The following MYO1D variants were observed in gnomAD, a reference collection of about 807,000 sequenced individuals.
MYO1D encodes unconventional myosin-Id.
A neutral mutation model predicts 122.0 loss-of-function variants in MYO1D; 83 were observed. The ratio of observed to expected loss-of-function variants is 0.68; its 90% CI spans 0.57 to 0.82. MYO1D has a LOEUF of 0.82. MYO1D is among the 40% of genes least tolerant of loss of function. MYO1D has a pLI of 0.00. For synonymous variants in MYO1D, 464 were observed against 446.9 expected (o/e 1.04, Z -0.48); for missense variants, 1,157 against 1,269.5 (o/e 0.91, Z 1.35).
In MYO1D at chr17:32,834,148, C is replaced by T. The variant is rs183398154; in HGVS notation, c.95+42630G>A. Among the ~76,000 whole-genome samples, 309 of 152,208 alleles carry T rather than the reference C, an allele frequency of 2.0e-3. 1 individual carries two copies. Among genetic ancestry groups the T allele is most frequent in the Admixed American group, 4.1e-3 (63 of 15,294 alleles). On this transcript the variant is annotated intron_variant, in intron 1 of 21. Transcript: ENST00000318217. ...TGTTTGCTGAATAAATGAACTTCTC[C>T]GAAATGTAATAATACCTGATAATAT...
At chr17:32,581,792 A>T (rs2087343666) in intron 21 of MYO1D, among the ~76,000 whole-genome samples, 1 of 151,222 alleles carries the variant, frequency 6.6e-6, no homozygotes, top group African/African-American at 2.4e-5. Flanking sequence ...TTGAGATGGA[A>T]TCTTGCTCTG....
chr17:32,743,567 C>G (rs1474956104), intron 13 of MYO1D, among the ~76,000 whole-genome samples: 1 of 151,986 alleles, frequency 6.6e-6, no homozygotes, highest in Non-Finnish European at 1.5e-5. Context: ...TCATTATCTC[C>G]ATCACTACCA....
intron 21 of MYO1D, among the ~76,000 whole-genome samples, chr17:32,600,088 G>A (rs1230476128): frequency 6.6e-6 from 1 of 152,216 alleles, no homozygotes; most frequent in Non-Finnish European, 1.5e-5. Flanking sequence ...CAGTGCTCTT[G>A]GATAACTAGA....
intron 21 of MYO1D, among the ~76,000 whole-genome samples, chr17:32,569,639 C>T: frequency 6.6e-6 from 1 of 152,196 alleles, no homozygotes; most frequent in East Asian, 1.9e-4. Flanking sequence ...TGCCTTTTCT[C>T]TCCCAAAGCA....
At chr17:32,552,774 G>A (rs2087029885) in intron 21 of MYO1D, among the ~76,000 whole-genome samples, 1 of 152,198 alleles carries the variant, frequency 6.6e-6, no homozygotes, top group Non-Finnish European at 1.5e-5. Flanking sequence ...GTGCATCAGG[G>A]TGCTATAGTA....
At chr17:32,644,401 G>T (rs189445273) in intron 19 of MYO1D, among the ~76,000 whole-genome samples, 2,386 of 152,266 alleles carry the variant, frequency 0.016, 56 homozygotes, top group African/African-American at 0.047. Flanking sequence ...TTGATTTGGG[G>T]TGGAGAGTTC....
In MYO1D at chr17:32,864,449, A is replaced by T. The variant is rs188560865; in HGVS notation, c.95+12329T>A. 2.8e-3 allele frequency among the ~76,000 whole-genome samples: 416 copies of T among 151,076 alleles called. 4 individuals carry two copies. Among genetic ancestry groups the T allele is most frequent in the African/African-American group, 8.7e-3 (359 of 41,250 alleles). On this transcript the variant is annotated intron_variant, in intron 1 of 21. Transcript: ENST00000318217. ...ATGGTAAAATGTAGTTAACTGGCTA[A>T]GGCAAGCAACATCATGAGACTGCTC...
intron 16 of MYO1D, among the ~76,000 whole-genome samples, chr17:32,662,918 CTT>C (rs66842883): frequency 0.022 from 2,602 of 118,720 alleles, 46 homozygotes; most frequent in African/African-American, 0.068. Context: ...ACTTTCTTTT[CTT>C]TTTTTTTTTT....
rs1598141857 is a variant in MYO1D at position 32,835,249 on chromosome 17, T to C, written c.95+41529A>G. Among the ~76,000 whole-genome samples the C allele has an allele frequency of 3.9e-5, 6 of 152,056 alleles. 1 individual carries two copies. In the South Asian group the frequency reaches 1.2e-3, roughly 32 times the overall value. On this transcript the variant is annotated intron_variant, in intron 1 of 21. Transcript: ENST00000318217. ...GCTTGGCAAATACCCATTAATCCATTATTCAATACTCAACTAAAATGTTAC... is the reference window on the plus strand; with the variant it reads ...GCTTGGCAAATACCCATTAATCCATCATTCAATACTCAACTAAAATGTTAC...
At position 32,711,652 on chromosome 17, in the gene MYO1D, G is replaced by GA. The variant is rs112201977; in HGVS notation, c.2121+335dup. On this transcript the variant is annotated intron_variant, in intron 16 of 21. Coordinates refer to ENST00000318217, the MANE Select transcript of MYO1D (RefSeq NM_015194.3). ...CATAGTGAGACTCCGTCTCGGGGGG[G>GA]AAAAAAAAAGTCCTTTATGCATTTA... Among the ~76,000 whole-genome samples the GA allele has an allele frequency of 2.0e-5, 3 of 151,460 alleles. 1 individual carries two copies. In the Middle Eastern group the frequency reaches 0.01, roughly 515 times the overall value.
chr17:32,860,701 T>A (rs2091064343), intron 1 of MYO1D, among the ~76,000 whole-genome samples: 1 of 152,158 alleles, frequency 6.6e-6, no homozygotes, highest in Non-Finnish European at 1.5e-5. Context: ...AACCGAATAA[T>A]AAACACAAAG....
chr17:32,750,604 A>G (rs2089889234), intron 11 of MYO1D, among the ~76,000 whole-genome samples: 1 of 152,194 alleles, frequency 6.6e-6, no homozygotes, highest in South Asian at 2.1e-4. Context: ...GACAAGAGCA[A>G]GACTCTGTCT....
At chr17:32,532,076 T>G (rs1275076692) in intron 21 of MYO1D, among the ~76,000 whole-genome samples, 1 of 152,190 alleles carries the variant, frequency 6.6e-6, no homozygotes, top group Non-Finnish European at 1.5e-5. Flanking sequence ...ATTCTCAAGG[T>G]CCTGCACTGT....
chr17:32,794,569 CAGA>C (rs1315809491), intron 1 of MYO1D, among the ~76,000 whole-genome samples: 1 of 151,744 alleles, frequency 6.6e-6, no homozygotes. Context: ...GAGCCACAAG[CAGA>C]AGAATAAACA....
intron 16 of MYO1D, among the ~76,000 whole-genome samples, chr17:32,677,452 G>T (rs906955959): frequency 6.6e-6 from 1 of 151,854 alleles, no homozygotes; most frequent in Non-Finnish European, 1.5e-5. Flanking sequence ...CCATGTGAGT[G>T]GTGTGAATCT....
chr17:32,866,605 C>G (rs984468577), intron 1 of MYO1D, among the ~76,000 whole-genome samples: 4 of 152,238 alleles, frequency 2.6e-5, no homozygotes, highest in African/African-American at 9.6e-5. Context: ...CACTAACATG[C>G]TTGTGCTGCA....
At chr17:32,560,638 G>A (rs1295291715) in intron 21 of MYO1D, among the ~76,000 whole-genome samples, 2 of 130,064 alleles carry the variant, frequency 1.5e-5, no homozygotes, top group Non-Finnish European at 3.2e-5. Flanking sequence ...TTTTTTTTTT[G>A]AGATGGAGTC....
intron 21 of MYO1D, among the ~76,000 whole-genome samples, chr17:32,541,239 A>G (rs1457796400): frequency 2.6e-5 from 4 of 152,246 alleles, no homozygotes; most frequent in Non-Finnish European, 5.9e-5. Flanking sequence ...ACAGTGGAAT[A>G]TTATTTGGCA....
At chr17:32,862,188 T>C (rs2091083234) in intron 1 of MYO1D, among the ~76,000 whole-genome samples, 1 of 152,220 alleles carries the variant, frequency 6.6e-6, no homozygotes, top group South Asian at 2.1e-4. Flanking sequence ...CCCACATACT[T>C]GGACACGTCA....
Sources: allele counts gnomAD v4.1 joint callset (sites outside exome capture counted in the v4.1 genomes callset), GRCh38; gene constraint gnomAD v4.1.1; transcripts MANE v1.5; gene names NCBI Gene and HGNC (gene_info 2026-07-23, HGNC 2026-07-21).